MYO5A: variants seen among roughly 807,000 people sequenced by gnomAD.
The protein encoded by MYO5A is myosin VA.
In MYO5A, 98 loss-of-function variants were observed where a neutral mutation model predicts 249.7. The observed-to-expected ratio is 0.39, with a 90% CI of 0.33 to 0.46. The LOEUF is 0.46. MYO5A is among the 20% of genes least tolerant of loss of function. The pLI is 0.98. For synonymous variants in MYO5A, 778 were observed against 810.6 expected (o/e 0.96, Z 0.68); for missense variants, 1,696 against 2,308.8 (o/e 0.73, Z 5.44).
At chr15:52,338,397 T>C (rs1165813454) in intron 32 of MYO5A, among the ~76,000 whole-genome samples, 1 of 152,094 alleles carries the variant, frequency 6.6e-6, no homozygotes, top group African/African-American at 2.4e-5. Context: ...GCCTGTTCAC[T>C]AGATGAGGTA....
intron 1 of MYO5A, among the ~76,000 whole-genome samples, chr15:52,448,493 G>C (rs911385000): frequency 6.6e-6 from 1 of 152,124 alleles, no homozygotes; most frequent in Non-Finnish European, 1.5e-5. Flanking sequence ...TTGGATTTTT[G>C]AGTTAATGCT....
intron 19 of MYO5A, 86 bp downstream of exon 19, chr15:52,376,261 C>A: frequency 1.6e-6 from 2 of 1,285,146 alleles, no homozygotes; most frequent in Non-Finnish European, 2.2e-6. Flanking sequence ...GAGGTGTTAT[C>A]TTTTCAGCTA....
chr15:52,370,496 A>C, intron 21 of MYO5A, 79 bp from the exon 22 acceptor site: 1 of 1,429,342 alleles, frequency 7.0e-7, no homozygotes. Flanking sequence ...ATGTTTATTC[A>C]TCATATTCAT....
At chr15:52,357,064 C>T (rs1314884740) in intron 25 of MYO5A, among the ~76,000 whole-genome samples, 1 of 151,906 alleles carries the variant, frequency 6.6e-6, no homozygotes, top group Non-Finnish European at 1.5e-5. Context: ...TAAAGTCTGT[C>T]CTGACTTAGC....
At chr15:52,473,688 A>G (rs1207144189) in intron 1 of MYO5A, among the ~76,000 whole-genome samples, 2 of 152,188 alleles carry the variant, frequency 1.3e-5, no homozygotes, top group South Asian at 2.1e-4. Flanking sequence ...CAGGTTTGTC[A>G]AAGATCAGAT....
chr15:52,467,612 T>C (rs1724614), intron 1 of MYO5A, among the ~76,000 whole-genome samples: 18,021 of 152,142 alleles, frequency 0.12, 1,313 homozygotes, highest in South Asian at 0.17. Flanking sequence ...AAGGAAATAA[T>C]TGATGAAAAT....
At chr15:52,528,709 TC>T in intron 1 of MYO5A, 70 bp downstream of exon 1, 1 of 1,462,868 alleles carries the variant, frequency 6.8e-7, no homozygotes, top group Non-Finnish European at 9.0e-7. Flanking sequence ...TCCCGCCCCC[TC>T]CCCAGCCTGA....
At chr15:52,331,618 T>G in intron 34 of MYO5A, 1 of 958,336 alleles carries the variant, frequency 1.0e-6, no homozygotes, top group Non-Finnish European at 1.2e-6. Context: ...TAGTGCTTCT[T>G]GTGTCACTCT....
At chr15:52,379,265 A>G (rs1038552676) in intron 18 of MYO5A, among the ~76,000 whole-genome samples, 27 of 152,242 alleles carry the variant, frequency 1.8e-4, no homozygotes, top group African/African-American at 6.0e-4. Flanking sequence ...GTCTTTAAAA[A>G]GTATTACTTT....
chr15:52,488,132 G>A (rs899546049), intron 1 of MYO5A, among the ~76,000 whole-genome samples: 2 of 151,810 alleles, frequency 1.3e-5, no homozygotes, highest in Admixed American at 1.3e-4. Context: ...CCCATAAGGG[G>A]TTGAAAGAAT....
In MYO5A at chr15:52,383,218, A is replaced by C. The variant is rs138326595; in HGVS notation, c.1915-30T>G. On this transcript the variant is annotated intron_variant, in intron 15 of 41. Coordinates refer to ENST00000399233, the MANE Select transcript of MYO5A (RefSeq NM_001382347.1). Reference sequence around the variant, plus strand: ...ATGAAAAAGGGCAGAAGAGGGTATCAAGGCTTTGTCCAAAGTCAAAGGTGA... The same window carrying C: ...ATGAAAAAGGGCAGAAGAGGGTATCCAGGCTTTGTCCAAAGTCAAAGGTGA... 2.3e-5 allele frequency: 36 copies of C among 1,545,548 alleles called. 1 individual carries two copies. In the African/African-American group the frequency reaches 3.3e-4, roughly 14 times the overall value.
intron 1 of MYO5A, among the ~76,000 whole-genome samples, chr15:52,467,379 C>A (rs976810573): frequency 1.3e-5 from 2 of 151,744 alleles, no homozygotes; most frequent in African/African-American, 4.8e-5. Flanking sequence ...GAAGGAATTA[C>A]AAAATACATT....
intron 1 of MYO5A, among the ~76,000 whole-genome samples, chr15:52,487,122 A>C (rs886421304): frequency 2.0e-5 from 3 of 152,230 alleles, no homozygotes; most frequent in Non-Finnish European, 4.4e-5. Flanking sequence ...CACTGTGCTA[A>C]AATGGGTACT....
chr15:52,329,738 G>A (rs535119591), intron 35 of MYO5A, among the ~76,000 whole-genome samples: 2 of 152,122 alleles, frequency 1.3e-5, no homozygotes, highest in South Asian at 4.1e-4. Context: ...AATCCCTTAA[G>A]AAGCTTTTTA....
intron 24 of MYO5A, 62 bp from the exon 25 acceptor site, chr15:52,360,143 C>G (rs1470804820): frequency 9.1e-7 from 1 of 1,094,516 alleles, no homozygotes; most frequent in South Asian, 1.3e-5. Context: ...ATAGTTAAGA[C>G]AGCATCCACC....
chr15:52,313,996 T>G (rs1485729240), intron 41 of MYO5A, 127 bp downstream of exon 41: 1 of 1,307,882 alleles, frequency 7.6e-7, no homozygotes, highest in Non-Finnish European at 1.1e-6. Flanking sequence ...CAATTAACTA[T>G]TATCAAAAAA....
Position 52,497,681 on chromosome 15 carries a change from C to T in MYO5A, c.27+31099G>A, listed in dbSNP as rs182680248. ...CTGAGGCAAGAGAATCGCTTGAACC[C>T]GGGAGGTGGAGGTTGCAGTGAGCCA... is the stretch of plus-strand genomic sequence containing the variant. On this transcript the variant is annotated intron_variant, in intron 1 of 41. Coordinates refer to ENST00000399233, the MANE Select transcript of MYO5A (RefSeq NM_001382347.1). 9.4e-5 allele frequency among the ~76,000 whole-genome samples: 13 copies of T among 138,252 alleles called. No homozygotes were observed. In the East Asian group the frequency reaches 1.8e-3, roughly 19 times the overall value. 90.7% of individuals were successfully genotyped at this position (138,252 alleles called of 152,430 possible). A position where few individuals can be genotyped will look rare whatever the true frequency, so the allele number is the denominator to read the frequency against.
At chr15:52,375,219 T>G in intron 20 of MYO5A, 85 bp downstream of exon 20, 1 of 1,395,266 alleles carries the variant, frequency 7.2e-7, no homozygotes, top group Non-Finnish European at 1.0e-6. Flanking sequence ...CTACCTTCAT[T>G]GTAGCCCCTG....
intron 1 of MYO5A, chr15:52,505,450 A>G (rs1231728791): frequency 3.3e-6 from 3 of 920,654 alleles, no homozygotes; most frequent in Non-Finnish European, 5.5e-6. Flanking sequence ...GGAAGACACT[A>G]CAGGAAGTGG....
Sources: allele counts gnomAD v4.1 joint callset (sites outside exome capture counted in the v4.1 genomes callset), GRCh38; gene constraint gnomAD v4.1.1; transcripts MANE v1.5; gene names NCBI Gene and HGNC (gene_info 2026-07-23, HGNC 2026-07-21).